The following FUT8 variants were observed in gnomAD, a reference collection of about 807,000 sequenced individuals.
The protein encoded by FUT8 is alpha-(1,6)-fucosyltransferase.
FUT8 carries 29 observed loss-of-function variants against 71.3 expected under a neutral mutation model. The ratio of observed to expected loss-of-function variants is 0.41; its 90% CI spans 0.30 to 0.55. The LOEUF is 0.55. FUT8 is among the 20% of genes least tolerant of loss of function. FUT8 has a pLI of 0.34. For missense variants in FUT8, 544 were observed against 702.1 expected, an observed-to-expected ratio of 0.77 and a Z score of 2.55; for synonymous variants, 254 against 239.3, an observed-to-expected ratio of 1.06 and a Z score of -0.57.
At chr14:65,690,267 A>G (rs1893508138) in intron 7 of FUT8, among the ~76,000 whole-genome samples, 1 of 152,048 alleles carries the variant, frequency 6.6e-6, no homozygotes, top group South Asian at 2.1e-4. Flanking sequence ...CACTGTCTTG[A>G]TTACTTTATA....
intron 2 of FUT8, among the ~76,000 whole-genome samples, chr14:65,470,093 C>T (rs977135886): frequency 3.3e-5 from 5 of 152,248 alleles, no homozygotes; most frequent in Non-Finnish European, 5.9e-5. Flanking sequence ...AGCAGCTCTC[C>T]ACCTCAGCTT....
At chr14:65,502,662 G>A (rs2066665201) in intron 2 of FUT8, among the ~76,000 whole-genome samples, 1 of 152,252 alleles carries the variant, frequency 6.6e-6, no homozygotes, top group African/African-American at 2.4e-5. Flanking sequence ...ATAAATAATG[G>A]TAAAAGTAAT....
rs2065156842 is a variant in FUT8, at chr14:65,412,861, C to G, written c.-679C>G. 6.3e-6 allele frequency: 1 copy of G among 158,142 alleles called. No homozygotes were observed. Among genetic ancestry groups the G allele is most frequent in the Admixed American group, 6.5e-5 (1 of 15,348 alleles). The allele number at this position is 158,142 out of a possible 1,614,324, so 9.8% of individuals were successfully genotyped here. A position where few individuals can be genotyped will look rare whatever the true frequency, so the allele number is the denominator to read the frequency against. ...TTCCCTCCTCTCCAGGCCCCCTCCC[C>G]ATCCCACCCCCGCCGCCTGGCCCCA... On this transcript the variant is annotated 5_prime_UTR_variant, in exon 1 of 11. Coordinates refer to ENST00000673929, the MANE Select transcript of FUT8 (RefSeq NM_001371533.1).
chr14:65,410,672 T>C (rs1382736563), upstream of FUT8: 1 of 145,106 alleles, frequency 6.9e-6, no homozygotes, highest in Non-Finnish European at 1.5e-5. Context: ...CAGACAAAAA[T>C]GGAATTTTTA....
At chr14:65,514,445 T>C (rs965561513) in intron 2 of FUT8, among the ~76,000 whole-genome samples, 3 of 152,244 alleles carry the variant, frequency 2.0e-5, no homozygotes, top group Non-Finnish European at 4.4e-5. Context: ...TCATGGCAGT[T>C]AACAAACCCT....
At chr14:65,624,840 C>A (rs1889811533) in intron 5 of FUT8, among the ~76,000 whole-genome samples, 4 of 152,152 alleles carry the variant, frequency 2.6e-5, no homozygotes, top group Non-Finnish European at 5.9e-5. Flanking sequence ...TTTGGGAGGC[C>A]AGTCACCTGA....
At position 65,413,860 on chromosome 14, in the gene FUT8, C is replaced by G. The variant is rs909325320; in HGVS notation, c.-326+646C>G. ...TATTTATCAGTTCTAGGAGGTTTGT[C>G]CTGCAGGATTGAGTGGGTTGTCGGG... On this transcript the variant is annotated intron_variant, in intron 1 of 10. Transcript: ENST00000673929. The surrounding 1 kb of genome is among the most constrained non-coding windows in gnomAD (Gnocchi z 4.1). 1.3e-5 allele frequency among the ~76,000 whole-genome samples: 2 copies of G among 152,100 alleles called. No homozygotes were observed. The highest frequency in any genetic ancestry group is 2.9e-5 in the Non-Finnish European group (2 of 68,024).
At chr14:65,380,167 A>G in the FUT8 span, among the ~76,000 whole-genome samples, 1 of 152,240 alleles carries the variant, frequency 6.6e-6, no homozygotes, top group South Asian at 2.1e-4. Context: ...GGGAGGCCTC[A>G]GAATCATGGC....
chr14:65,496,332 A>G (rs1457519013), intron 2 of FUT8, among the ~76,000 whole-genome samples: 1 of 152,220 alleles, frequency 6.6e-6, no homozygotes, highest in African/African-American at 2.4e-5. Flanking sequence ...TCAACCCATC[A>G]TAGTCCTATG....
At chr14:65,686,857 C>G (rs1234699989) in intron 7 of FUT8, among the ~76,000 whole-genome samples, 1 of 152,124 alleles carries the variant, frequency 6.6e-6, no homozygotes, top group East Asian at 1.9e-4. Flanking sequence ...TTGAAAACAT[C>G]TATACTTAAG....
At chr14:65,460,566 A>G (rs1010500615) in intron 2 of FUT8, among the ~76,000 whole-genome samples, 2 of 152,022 alleles carry the variant, frequency 1.3e-5, no homozygotes, top group Non-Finnish European at 2.9e-5. Context: ...TGAGTAGTAA[A>G]CTGTTCTTTG....
At chr14:65,717,549 C>G (rs1313593525) in intron 7 of FUT8, among the ~76,000 whole-genome samples, 3 of 134,336 alleles carry the variant, frequency 2.2e-5, no homozygotes, top group African/African-American at 5.7e-5. Flanking sequence ...GCGCTCCTCA[C>G]ATCCCAGACG....
chr14:65,734,781 A>C (rs1896138443), intron 10 of FUT8, among the ~76,000 whole-genome samples: 1 of 152,136 alleles, frequency 6.6e-6, no homozygotes, highest in African/African-American at 2.4e-5. Context: ...TTCCCCAGCT[A>C]TGCCACCTTC....
chr14:65,618,041 ATATATATATATATG>A (rs1889387947), intron 5 of FUT8, among the ~76,000 whole-genome samples: 2 of 116,200 alleles, frequency 1.7e-5, no homozygotes, highest in African/African-American at 6.5e-5. Flanking sequence ...ATATATATAT[ATATATATATATATG>A]TATGTATATA....
the FUT8 span, among the ~76,000 whole-genome samples, chr14:65,362,883 A>G: frequency 2.7e-5 from 4 of 149,320 alleles, no homozygotes; most frequent in Middle Eastern, 3.4e-3. Flanking sequence ...AATGGCGCGA[A>G]CCTGGGAGGC....
In FUT8 at chr14:65,743,694, A is replaced by G. The variant is rs1228132309; in HGVS notation, c.*1284A>G. 2 of 151,856 alleles carry G rather than the reference A, an allele frequency of 1.3e-5. No homozygotes were observed. The highest frequency in any genetic ancestry group is 2.4e-5 in the African/African-American group (1 of 41,408). 9.4% of individuals were successfully genotyped at this position (151,856 alleles called of 1,614,324 possible). ...AAGCGGGACCAATGGGAGACTCACAATGGACTGAGTCTTGGGATTATCTTT... is the reference window on the plus strand; with the variant it reads ...AAGCGGGACCAATGGGAGACTCACAGTGGACTGAGTCTTGGGATTATCTTT... On this transcript the variant is annotated 3_prime_UTR_variant, in exon 11 of 11. Transcript: ENST00000673929.
chr14:65,602,338 ATCTC>A (rs200274176), intron 3 of FUT8, among the ~76,000 whole-genome samples: 2,749 of 23,056 alleles, frequency 0.12, 224 homozygotes, highest in African/African-American at 0.19. Flanking sequence ...GTAGCGTTCC[ATCTC>A]TCACACACAC....
At chr14:65,584,101 C>T (rs1342877858) in intron 3 of FUT8, among the ~76,000 whole-genome samples, 2 of 151,664 alleles carry the variant, frequency 1.3e-5, no homozygotes, top group Admixed American at 1.3e-4. Flanking sequence ...GTCTCAATCT[C>T]CTGACCTTGT....
chr14:65,460,980 T>C (rs1040420673), intron 2 of FUT8, among the ~76,000 whole-genome samples: 1 of 152,202 alleles, frequency 6.6e-6, no homozygotes, highest in Admixed American at 6.5e-5. Flanking sequence ...GGTAAAGTCA[T>C]GTTAATGTAC....
Sources: allele counts gnomAD v4.1 joint callset (sites outside exome capture counted in the v4.1 genomes callset), GRCh38; gene constraint gnomAD v4.1.1; non-coding constraint Gnocchi (gnomAD v3.1); transcripts MANE v1.5; gene names NCBI Gene and HGNC (gene_info 2026-07-23, HGNC 2026-07-21).